TMEM178B: variants seen among roughly 807,000 people sequenced by gnomAD.
TMEM178B encodes the protein transmembrane protein 178B.
A neutral mutation model predicts 31.0 loss-of-function variants in TMEM178B; 5 were observed. The ratio of observed to expected loss-of-function variants is 0.16; its 90% confidence interval spans 0.08 to 0.34. The LOEUF (loss-of-function observed/expected upper bound fraction) is 0.34, where lower values mean the gene tolerates loss of function less well. Ranked by LOEUF, TMEM178B falls within the 10% of genes least tolerant of loss-of-function variation. The pLI is 1.00. For synonymous variants in TMEM178B, 164 were observed against 164.0 expected, an observed-to-expected ratio of 1.00 and a Z score of 0.00; for missense variants, 275 against 400.3, an observed-to-expected ratio of 0.69 and a Z score of 2.67.
intron 1 of TMEM178B, among the ~76,000 whole-genome samples, chr7:141,205,102 A>G (rs1796941396): frequency 6.6e-6 from 1 of 152,222 alleles, no homozygotes; most frequent in South Asian, 2.1e-4. Context: ...CTGGGATTAC[A>G]GGCTGAGCCA....
intron 2 of TMEM178B, among the ~76,000 whole-genome samples, chr7:141,228,300 A>G (rs2129190976): frequency 6.6e-6 from 1 of 152,224 alleles, no homozygotes; most frequent in Middle Eastern, 3.4e-3. Context: ...AGATATCAGA[A>G]TTACTCTTCA....
chr7:141,176,306 G>T (rs889411923), intron 1 of TMEM178B, among the ~76,000 whole-genome samples: 2 of 152,200 alleles, frequency 1.3e-5, no homozygotes, highest in Non-Finnish European at 2.9e-5. Context: ...CAGGGATGAA[G>T]CTGACTTGAT....
intron 1 of TMEM178B, among the ~76,000 whole-genome samples, chr7:141,114,786 G>A (rs1795292267): frequency 6.6e-6 from 1 of 152,160 alleles, no homozygotes; most frequent in African/African-American, 2.4e-5. Flanking sequence ...GCTTAAGCGG[G>A]GAATTCAGGC....
At position 141,287,230 on chromosome 7, in the gene TMEM178B, A is replaced by G. The variant is rs111680399; in HGVS notation, c.496+74526A>G. ...TGATAATTTGGCTCTAAGAACATTT[A>G]GAGCCAAATTAGTGGTTCATCTTCA... On this transcript the variant is annotated intron_variant, in intron 2 of 3. Transcript: ENST00000565468. Among the ~76,000 whole-genome samples the G allele has an allele frequency of 2.3e-3, 345 of 152,350 alleles. 2 individuals carry two copies. Among genetic ancestry groups the G allele is most frequent in the African/African-American group, 7.6e-3 (316 of 41,584 alleles).
intron 2 of TMEM178B, among the ~76,000 whole-genome samples, chr7:141,227,392 C>T (rs572269063): frequency 6.6e-6 from 1 of 152,310 alleles, no homozygotes; most frequent in African/African-American, 2.4e-5. Flanking sequence ...AGCTTGCATT[C>T]GTATGCAATA....
At chr7:141,404,686 G>C (rs1800850156) in intron 2 of TMEM178B, among the ~76,000 whole-genome samples, 1 of 152,168 alleles carries the variant, frequency 6.6e-6, no homozygotes, top group South Asian at 2.1e-4. Flanking sequence ...TAAGACCCTA[G>C]TTCCAAATAA....
chr7:141,269,754 G>C (rs1026012918), intron 2 of TMEM178B, among the ~76,000 whole-genome samples: 2 of 152,140 alleles, frequency 1.3e-5, no homozygotes, highest in African/African-American at 4.8e-5. Flanking sequence ...GGTGCCTGAA[G>C]TTCTACTATA....
chr7:141,505,389 G>A, the TMEM178B span, among the ~76,000 whole-genome samples: 1 of 152,332 alleles, frequency 6.6e-6, no homozygotes, highest in South Asian at 2.1e-4. Context: ...GTCAGTGAAT[G>A]TTTTCATATC....
chr7:141,275,768 A>G (rs1798256663), intron 2 of TMEM178B, among the ~76,000 whole-genome samples: 1 of 152,230 alleles, frequency 6.6e-6, no homozygotes, highest in Admixed American at 6.5e-5. Flanking sequence ...AAGCACTTCT[A>G]TACATAATTA....
intron 1 of TMEM178B, among the ~76,000 whole-genome samples, chr7:141,106,221 C>A (rs1310209373): frequency 6.6e-6 from 1 of 152,078 alleles, no homozygotes; most frequent in African/African-American, 2.4e-5. Flanking sequence ...TTCCAAAGTG[C>A]CCAGTGATTC....
At chr7:141,423,730 C>G (rs1049092353) in intron 2 of TMEM178B, among the ~76,000 whole-genome samples, 1 of 151,882 alleles carries the variant, frequency 6.6e-6, no homozygotes, top group African/African-American at 2.4e-5. Context: ...AAACGAATTG[C>G]CATGCTTTGT....
At chr7:141,303,957 G>A (rs1219266042) in intron 2 of TMEM178B, among the ~76,000 whole-genome samples, 1 of 152,200 alleles carries the variant, frequency 6.6e-6, no homozygotes, top group Non-Finnish European at 1.5e-5. Flanking sequence ...AAAGAAATGA[G>A]AGGTTCAGTG....
chr7:141,336,668 A>G lies in TMEM178B; in HGVS notation c.497-100940A>G, dbSNP rs145412744. On this transcript the variant is annotated intron_variant, in intron 2 of 3. Coordinates refer to ENST00000565468, the MANE Select transcript of TMEM178B (RefSeq NM_001195278.2). ...AAAAATAATATAATTATATAAATGC[A>G]TAGTTATACTGCTCATACACTATTG... is the stretch of plus-strand genomic sequence containing the variant. Among the ~76,000 whole-genome samples, 406 of 151,920 alleles carry G rather than the reference A, an allele frequency of 2.7e-3. 4 individuals are homozygous for G. The highest frequency in any genetic ancestry group is 9.0e-3 in the African/African-American group (371 of 41,360).
intron 1 of TMEM178B, among the ~76,000 whole-genome samples, chr7:141,142,567 C>T (rs908918216): frequency 2.0e-5 from 3 of 152,070 alleles, no homozygotes; most frequent in Admixed American, 1.3e-4. Flanking sequence ...ACCACCATGC[C>T]TAGCTAATTT....
intron 1 of TMEM178B, among the ~76,000 whole-genome samples, chr7:141,183,249 G>A (rs1796558785): frequency 6.6e-6 from 1 of 152,142 alleles, no homozygotes; most frequent in African/African-American, 2.4e-5. Context: ...AGGGTGGGAG[G>A]GAACAGCTTG....
At chr7:141,225,745 C>T (rs1188588385) in intron 2 of TMEM178B, among the ~76,000 whole-genome samples, 1 of 152,172 alleles carries the variant, frequency 6.6e-6, no homozygotes, top group Non-Finnish European at 1.5e-5. Flanking sequence ...CCCTCAACTC[C>T]CATGATGAAC....
chr7:141,319,112 T>G (rs1056805570), intron 2 of TMEM178B, among the ~76,000 whole-genome samples: 1 of 152,252 alleles, frequency 6.6e-6, no homozygotes, highest in African/African-American at 2.4e-5. Context: ...GCAATCCTAG[T>G]GGACCACTGT....
Position 141,383,325 on chromosome 7 carries a change from C to T in TMEM178B, c.497-54283C>T, listed in dbSNP as rs375211222. On this transcript the variant is annotated intron_variant, in intron 2 of 3. Coordinates refer to ENST00000565468, the MANE Select transcript of TMEM178B (RefSeq NM_001195278.2). Reference sequence around the variant, plus strand: ...TGTTGGTGTGCTGCACCCATTAACTCGTCATTTACATTAGGTGTGTCTCCT... The same window carrying T: ...TGTTGGTGTGCTGCACCCATTAACTTGTCATTTACATTAGGTGTGTCTCCT... Among the ~76,000 whole-genome samples the T allele has an allele frequency of 4.6e-3, 694 of 150,894 alleles. 2 individuals carry two copies. The highest frequency in any genetic ancestry group is 0.025 in the South Asian group (115 of 4,676).
chr7:141,202,944 A>T (rs969207), intron 1 of TMEM178B, among the ~76,000 whole-genome samples: 98,165 of 152,070 alleles, frequency 0.65, 32,144 homozygotes, highest in Middle Eastern at 0.69. Context: ...AAGCCCCAGA[A>T]TATTCCTGGT....
Sources: allele counts gnomAD v4.1 joint callset (sites outside exome capture counted in the v4.1 genomes callset), GRCh38; gene constraint gnomAD v4.1.1; transcripts MANE v1.5; gene names NCBI Gene and HGNC (gene_info 2026-07-23, HGNC 2026-07-21).